Variants in OLFM3 observed in about 807,000 individuals in gnomAD.
OLFM3 encodes the protein noelin-3.
OLFM3 carries 20 observed loss-of-function variants against 48.6 expected under a neutral mutation model. The observed-to-expected ratio is 0.41, with a 90% CI of 0.29 to 0.60. The LOEUF (loss-of-function observed/expected upper bound fraction) is 0.60, where lower values mean the gene tolerates loss of function less well. Ranked by LOEUF, OLFM3 falls within the 20% of genes least tolerant of loss-of-function variation. The pLI is 0.28. For synonymous variants in OLFM3, 222 were observed against 198.1 expected, an observed-to-expected ratio of 1.12 and a Z score of -1.01; for missense variants, 437 against 544.3, an observed-to-expected ratio of 0.80 and a Z score of 1.96.
chr1:101,971,190 C>T (rs116810588), intron 1 of OLFM3, among the ~76,000 whole-genome samples: 116 of 152,198 alleles, frequency 7.6e-4, no homozygotes, highest in Non-Finnish European at 1.4e-3. Flanking sequence ...TTGTTCTGGT[C>T]TGGTGAGAGA....
At chr1:101,989,054 T>C (rs1475981180) in intron 1 of OLFM3, among the ~76,000 whole-genome samples, 1 of 152,104 alleles carries the variant, frequency 6.6e-6, no homozygotes, top group Non-Finnish European at 1.5e-5. Flanking sequence ...ATCAGGATTA[T>C]CCACTCTTGG....
At chr1:101,983,029 A>G (rs1320196596) in intron 1 of OLFM3, among the ~76,000 whole-genome samples, 1 of 152,242 alleles carries the variant, frequency 6.6e-6, no homozygotes, top group Non-Finnish European at 1.5e-5. Context: ...GAGTTAAGAT[A>G]ACTAAATTCC....
At chr1:101,896,642 C>T (rs1658213371) in intron 1 of OLFM3, among the ~76,000 whole-genome samples, 1 of 149,808 alleles carries the variant, frequency 6.7e-6, no homozygotes, top group Admixed American at 6.6e-5. Context: ...CTACAGGCGC[C>T]GGCCACCACG....
chr1:101,820,841 G>T (rs960419030), intron 4 of OLFM3, among the ~76,000 whole-genome samples: 1 of 152,088 alleles, frequency 6.6e-6, no homozygotes, highest in Non-Finnish European at 1.5e-5. Flanking sequence ...CATCATTGTT[G>T]TAATTTTATT....
intron 1 of OLFM3, among the ~76,000 whole-genome samples, chr1:101,898,512 G>C (rs1235869392): frequency 6.6e-6 from 1 of 152,050 alleles, no homozygotes; most frequent in African/African-American, 2.4e-5. Flanking sequence ...GCAGTTTGGG[G>C]AACTAATTTA....
chr1:101,863,013 C>A (rs577067647), intron 1 of OLFM3, among the ~76,000 whole-genome samples: 2 of 145,348 alleles, frequency 1.4e-5, no homozygotes, highest in Non-Finnish European at 3.0e-5. Context: ...TTTTTTGAGA[C>A]GGAGTGTTGC....
At chr1:101,986,925 C>T (rs1410499517) in intron 1 of OLFM3, among the ~76,000 whole-genome samples, 2 of 152,150 alleles carry the variant, frequency 1.3e-5, no homozygotes, top group African/African-American at 2.4e-5. Context: ...TACATATTGA[C>T]AAATGAATCA....
intron 1 of OLFM3, among the ~76,000 whole-genome samples, chr1:101,845,182 T>G (rs1231406658): frequency 6.6e-6 from 1 of 151,956 alleles, no homozygotes; most frequent in Non-Finnish European, 1.5e-5. Context: ...TATTTTCTTA[T>G]TATTATTATT....
chr1:101,956,304 C>T (rs1660296566), intron 1 of OLFM3, among the ~76,000 whole-genome samples: 1 of 151,622 alleles, frequency 6.6e-6, no homozygotes. Context: ...TATAATATGT[C>T]CTGATCTACT....
chr1:101,812,643 G>C, intron 4 of OLFM3: 1 of 985,724 alleles, frequency 1.0e-6, no homozygotes, highest in Non-Finnish European at 1.2e-6. Context: ...GGCTTCGATG[G>C]TGCTTGAATC....
intron 1 of OLFM3, among the ~76,000 whole-genome samples, chr1:101,908,370 G>A (rs1401295456): frequency 7.2e-5 from 11 of 152,208 alleles, no homozygotes; most frequent in Admixed American, 5.9e-4. Flanking sequence ...AACCAAATTA[G>A]TAAACAGTGA....
At chr1:101,936,302 G>A (rs1659615190) in intron 1 of OLFM3, among the ~76,000 whole-genome samples, 2 of 151,990 alleles carry the variant, frequency 1.3e-5, no homozygotes, top group Admixed American at 1.3e-4. Context: ...GAAATCAGTA[G>A]AATTTCTATA....
intron 1 of OLFM3, chr1:101,893,684 A>C (rs1658089837): frequency 6.0e-6 from 1 of 165,450 alleles, no homozygotes; most frequent in African/African-American, 2.4e-5. Context: ...ACTGAACCAT[A>C]GTCATCATCT....
At chr1:101,840,751 C>A (rs1429484184) in intron 1 of OLFM3, among the ~76,000 whole-genome samples, 1 of 152,130 alleles carries the variant, frequency 6.6e-6, no homozygotes, top group Non-Finnish European at 1.5e-5. Context: ...GAAATTTAAC[C>A]ACCACACTAC....
intron 1 of OLFM3, among the ~76,000 whole-genome samples, chr1:101,938,725 C>T (rs1398591596): frequency 6.6e-6 from 1 of 152,170 alleles, no homozygotes; most frequent in Non-Finnish European, 1.5e-5. Flanking sequence ...CTAGAGGGAT[C>T]TGTTAGGCCC....
chr1:101,931,970 A>T (rs751847670), intron 1 of OLFM3, among the ~76,000 whole-genome samples: 3 of 152,208 alleles, frequency 2.0e-5, no homozygotes, highest in Non-Finnish European at 4.4e-5. Context: ...ACAATAATGA[A>T]ATAATTGTTT....
At chr1:101,941,078 G>C (rs1659780497) in intron 1 of OLFM3, among the ~76,000 whole-genome samples, 3 of 152,150 alleles carry the variant, frequency 2.0e-5, no homozygotes, top group Admixed American at 1.3e-4. Flanking sequence ...ATAAGAGAAG[G>C]AAGTGTGTTG....
Position 101,854,050 on chromosome 1 carries a change from C to T in OLFM3, c.70-17025G>A, listed in dbSNP as rs185227640. Among the ~76,000 whole-genome samples the T allele has an allele frequency of 2.2e-4, 33 of 151,912 alleles. No homozygotes were observed. In the East Asian group the frequency reaches 4.8e-3, roughly 22 times the overall value. ...AATAGCATAGGGGTGGCAGAAGGGA[C>T]GTATGGTATGTAGAGAATATTTTTA... is the stretch of plus-strand genomic sequence containing the variant. On this transcript the variant is annotated intron_variant, in intron 1 of 5. Transcript: ENST00000370103.
chr1:101,830,622 C>T (rs1213359942), intron 3 of OLFM3, 50 bp downstream of exon 3: 1 of 1,603,758 alleles, frequency 6.2e-7, no homozygotes, highest in African/African-American at 1.3e-5. Flanking sequence ...TGCTGTCCAT[C>T]CCACTCCATG....
Sources: allele counts gnomAD v4.1 joint callset (sites outside exome capture counted in the v4.1 genomes callset), GRCh38; gene constraint gnomAD v4.1.1; transcripts MANE v1.5; gene names NCBI Gene and HGNC (gene_info 2026-07-23, HGNC 2026-07-21).